Variants in IRF2 observed in about 807,000 individuals in gnomAD.
IRF2 encodes the protein interferon regulatory factor 2.
Under a neutral mutation model 40.6 loss-of-function variants are expected in IRF2, and 15 were observed. The ratio of observed to expected loss-of-function variants is 0.37; its 90% CI spans 0.25 to 0.57. IRF2 has a LOEUF of 0.57. Among genes scored for constraint, IRF2 ranks in the 20% least tolerant of loss-of-function variants. IRF2 has a pLI of 0.77. For synonymous variants in IRF2, 151 were observed against 165.5 expected (o/e 0.91, Z 0.67); for missense variants, 317 against 455.7 (o/e 0.70, Z 2.77).
chr4:184,463,421 C>T (rs1369184192), intron 1 of IRF2, among the ~76,000 whole-genome samples: 1 of 152,062 alleles, frequency 6.6e-6, no homozygotes, highest in Non-Finnish European at 1.5e-5. Context: ...GCTATAGGTG[C>T]AAAGGACACA....
At chr4:184,402,640 G>A (rs779712502) in intron 6 of IRF2, among the ~76,000 whole-genome samples, 1 of 152,174 alleles carries the variant, frequency 6.6e-6, no homozygotes, top group Admixed American at 6.5e-5. Context: ...ACTGACTGGA[G>A]CCAGAGTGGA....
In IRF2 at chr4:184,388,996, G is replaced by A. The variant is rs1232082537; in HGVS notation, c.812C>T (p.Ser271Phe). The A allele has an allele frequency of 6.2e-7, 1 of 1,614,122 alleles. No homozygotes were observed. Among genetic ancestry groups the A allele is most frequent in the East Asian group, 2.2e-5 (1 of 44,896 alleles). The change falls in exon 9 of 9, where the codon TCC becomes TTC. Residue 271 changes from serine to phenylalanine, a missense_variant. This residue lies in a region of IRF2 where 262 missense variants were observed against 334.0 expected (regional missense o/e 0.78). Coordinates refer to ENST00000393593, the MANE Select transcript of IRF2 (RefSeq NM_002199.4). The surrounding 1 kb of genome is among the most constrained non-coding windows in gnomAD (Gnocchi z 4.6). ...QYLSNMGTRGSYLLPGMASFV... is the reference protein window; with the variant it reads ...QYLSNMGTRGFYLLPGMASFV... Reference sequence around the variant, plus strand: ...GGACGCCATGCCGGGCAGCAGGTAGGAGCCTCGAGTCCCCATGTTGCTGAG... The same window carrying A: ...GGACGCCATGCCGGGCAGCAGGTAGAAGCCTCGAGTCCCCATGTTGCTGAG...
At position 184,408,066 on chromosome 4, in the gene IRF2, T is replaced by G; in HGVS notation, c.529+92A>C. 1 of 724,962 alleles carries G rather than the reference T, an allele frequency of 1.4e-6. No individual in the cohort carries two copies. Among genetic ancestry groups the G allele is most frequent in the Admixed American group, 2.2e-5 (1 of 44,724 alleles). The allele number at this position is 724,962 out of a possible 1,614,324, so 44.9% of individuals were successfully genotyped here. A position where few individuals can be genotyped will look rare whatever the true frequency, so the allele number is the denominator to read the frequency against. The stretch of plus-strand genomic sequence containing the variant: ...AGATGATTCCAAGACCTCCTCCCAC[T>G]GACTATGTTATTTGAAGTTCTCTGT... On this transcript the variant is annotated intron_variant, in intron 6 of 8. Transcript: ENST00000393593. This position sits in a 1 kb window ranked among gnomAD's most constrained non-coding sequence, Gnocchi z 4.9.
intron 8 of IRF2, 96 bp downstream of exon 8, chr4:184,390,607 T>G: frequency 8.7e-7 from 1 of 1,143,498 alleles, no homozygotes; most frequent in Non-Finnish European, 1.3e-6. Flanking sequence ...GCTTGTGATC[T>G]AAAGGAAAGG....
chr4:184,421,459 G>A (rs985607759), intron 2 of IRF2, among the ~76,000 whole-genome samples: 2 of 152,020 alleles, frequency 1.3e-5, no homozygotes, highest in South Asian at 2.1e-4. Context: ...GATGAAAATC[G>A]ACAGCAAAAT....
chr4:184,471,576 AAAC>A (rs1373529272), intron 1 of IRF2, among the ~76,000 whole-genome samples: 1 of 152,280 alleles, frequency 6.6e-6, no homozygotes, highest in Non-Finnish European at 1.5e-5. Context: ...AATGCTCTAA[AAAC>A]AACAGTTTTG....
intron 1 of IRF2, chr4:184,473,864 C>G (rs1739623852): frequency 6.6e-6 from 1 of 152,114 alleles, no homozygotes. Flanking sequence ...CGCTCCCCTC[C>G]TTCGGATCCG....
At chr4:184,467,953 C>T (rs901369248) in intron 1 of IRF2, among the ~76,000 whole-genome samples, 1 of 152,158 alleles carries the variant, frequency 6.6e-6, no homozygotes, top group Middle Eastern at 3.2e-3. Context: ...ATTAGTCTTG[C>T]CTTTGGGATA....
rs530790551 is a variant in IRF2, at chr4:184,404,668, T to G, written c.529+3490A>C. ...TCTAGAACCCACGCCTTTTGACTTC[T>G]AATCTCGTGCTCTTTCGGTATAAAA... On this transcript the variant is annotated intron_variant, in intron 6 of 8. Coordinates refer to ENST00000393593, the MANE Select transcript of IRF2 (RefSeq NM_002199.4). 1.1e-3 allele frequency among the ~76,000 whole-genome samples: 172 copies of G among 152,236 alleles called. 1 individual carries two copies. Among genetic ancestry groups the G allele is most frequent in the Non-Finnish European group, 2.0e-3 (137 of 68,044 alleles).
chr4:184,457,388 ACT>A (rs1167917477), intron 1 of IRF2, among the ~76,000 whole-genome samples: 2 of 151,984 alleles, frequency 1.3e-5, no homozygotes, highest in Non-Finnish European at 2.9e-5. Flanking sequence ...ACCTGGGGAC[ACT>A]CTGGGCGGAT....
intron 1 of IRF2, among the ~76,000 whole-genome samples, chr4:184,468,971 G>T (rs372286285): frequency 6.6e-6 from 1 of 152,090 alleles, no homozygotes; most frequent in East Asian, 1.9e-4. Flanking sequence ...GAACTAAAAG[G>T]CCACTCTAGG....
At chr4:184,404,664 C>T (rs1422030122) in intron 6 of IRF2, among the ~76,000 whole-genome samples, 1 of 152,200 alleles carries the variant, frequency 6.6e-6, no homozygotes, top group Admixed American at 6.5e-5. Context: ...CGCCTTTTGA[C>T]TTCTAATCTC....
intron 5 of IRF2, among the ~76,000 whole-genome samples, chr4:184,412,293 C>T (rs577168585): frequency 1.4e-4 from 22 of 152,108 alleles, no homozygotes; most frequent in Non-Finnish European, 2.5e-4. Context: ...TAAAATAATA[C>T]ACCTTTAGCT....
intron 2 of IRF2, among the ~76,000 whole-genome samples, chr4:184,423,590 T>C (rs1397972245): frequency 1.3e-5 from 2 of 152,130 alleles, no homozygotes; most frequent in African/African-American, 4.8e-5. Context: ...TCCCCTGCCT[T>C]AGTGCATGGA....
chr4:184,418,312 G>A, intron 4 of IRF2, 99 bp from the exon 5 acceptor site: 1 of 1,067,854 alleles, frequency 9.4e-7, no homozygotes, highest in Non-Finnish European at 1.5e-6. Flanking sequence ...CAATGAACCT[G>A]TTGCTTTAAT....
At chr4:184,456,472 A>G (rs1367906805) in intron 1 of IRF2, among the ~76,000 whole-genome samples, 1 of 152,208 alleles carries the variant, frequency 6.6e-6, no homozygotes, top group East Asian at 1.9e-4. Flanking sequence ...GGAACGTGAG[A>G]GCCGCGGTGG....
At chr4:184,443,619 G>A (rs1738395735) in intron 1 of IRF2, among the ~76,000 whole-genome samples, 2 of 152,138 alleles carry the variant, frequency 1.3e-5, no homozygotes, top group Non-Finnish European at 2.9e-5. Context: ...CACTGCTGAT[G>A]AGGACCTAGG....
chr4:184,454,810 A>C (rs965400228), intron 1 of IRF2, among the ~76,000 whole-genome samples: 8 of 152,206 alleles, frequency 5.3e-5, no homozygotes, highest in Non-Finnish European at 1.2e-4. Flanking sequence ...AGAGATCTTA[A>C]TAGCAACTTA....
intron 1 of IRF2, among the ~76,000 whole-genome samples, chr4:184,429,780 A>G (rs3756094): frequency 0.66 from 99,875 of 151,958 alleles, 33,067 homozygotes; most frequent in Admixed American, 0.72. Context: ...TTTCCCTTTG[A>G]AAATCATTTT....
Sources: gnomAD v4.1 joint callset for allele counts (sites outside exome capture counted in the v4.1 genomes callset) on GRCh38, gnomAD v4.1.1 for gene constraint, gnomAD v4.1.1 regional missense constraint, Gnocchi (gnomAD v3.1) non-coding constraint, MANE v1.5 for transcripts, NCBI Gene and HGNC (gene_info 2026-07-23, HGNC 2026-07-21) for gene names.